The following CLEC16A variants were observed in gnomAD, a reference collection of about 807,000 sequenced individuals.
The protein encoded by CLEC16A is protein CLEC16A.
CLEC16A carries 51 observed loss-of-function variants against 109.5 expected under a neutral mutation model. The observed-to-expected ratio is 0.47, with a 90% confidence interval of 0.37 to 0.59. The LOEUF is 0.59. Among genes scored for constraint, CLEC16A ranks in the 20% least tolerant of loss-of-function variants. CLEC16A has a pLI of 0.00. For missense variants in CLEC16A, 1,339 were observed against 1,394.0 expected (o/e 0.96, Z 0.63); for synonymous variants, 673 against 564.2 (o/e 1.19, Z -2.73).
chr16:11,038,087 G>C (rs1018611633), intron 13 of CLEC16A, among the ~76,000 whole-genome samples: 2 of 152,256 alleles, frequency 1.3e-5, no homozygotes, highest in South Asian at 4.1e-4. Context: ...TCTTTAGGCC[G>C]TCCCTCACCC....
chr16:11,036,642 T>C (rs2047039707), intron 13 of CLEC16A, among the ~76,000 whole-genome samples: 1 of 149,484 alleles, frequency 6.7e-6, no homozygotes, highest in African/African-American at 2.5e-5. Context: ...CTCCGCCTCC[T>C]GGGTTCAAGC....
At chr16:10,971,292 C>A in intron 5 of CLEC16A, 62 bp downstream of exon 5, 2 of 1,177,218 alleles carry the variant, frequency 1.7e-6, no homozygotes, top group Non-Finnish European at 2.5e-6. Context: ...GCACTCACTC[C>A]CGTGTGTGTG....
chr16:11,020,089 GT>G (rs1454496620), intron 11 of CLEC16A, 103 bp from the exon 12 acceptor site: 1 of 1,365,990 alleles, frequency 7.3e-7, no homozygotes, highest in Non-Finnish European at 9.9e-7. Context: ...TGCTTGATGT[GT>G]TTGGAGTCAT....
intron 22 of CLEC16A, among the ~76,000 whole-genome samples, chr16:11,135,557 T>G (rs1043277674): frequency 5.3e-5 from 8 of 152,212 alleles, no homozygotes; most frequent in African/African-American, 1.9e-4. Context: ...TGCTTCACTC[T>G]TTGGGGTCAT....
chr16:11,146,753 G>A (rs555217753), intron 22 of CLEC16A, among the ~76,000 whole-genome samples: 3 of 133,844 alleles, frequency 2.2e-5, no homozygotes, highest in South Asian at 5.2e-4. Flanking sequence ...TGGGTGGATG[G>A]CCGGATGGGA....
intron 19 of CLEC16A, among the ~76,000 whole-genome samples, chr16:11,075,962 T>G (rs1381200811): frequency 6.6e-6 from 1 of 152,212 alleles, no homozygotes; most frequent in African/African-American, 2.4e-5. Flanking sequence ...TGGAATATCC[T>G]TGTTTCTTCT....
chr16:11,047,112 T>C (rs142157203), intron 16 of CLEC16A, among the ~76,000 whole-genome samples, 180 bp from the exon 17 acceptor site: 29 of 152,316 alleles, frequency 1.9e-4, no homozygotes, highest in Non-Finnish European at 3.1e-4. Flanking sequence ...TGATATTTGG[T>C]CTGTCATTTG....
At chr16:11,033,472 T>C (rs1467756790) in intron 13 of CLEC16A, among the ~76,000 whole-genome samples, 1 of 152,090 alleles carries the variant, frequency 6.6e-6, no homozygotes, top group Non-Finnish European at 1.5e-5. Context: ...AGCTGCCTCG[T>C]GGGGGAGCTG....
intron 10 of CLEC16A, among the ~76,000 whole-genome samples, chr16:10,993,697 C>G (rs2044165324): frequency 6.6e-6 from 1 of 152,234 alleles, no homozygotes; most frequent in Non-Finnish European, 1.5e-5. Flanking sequence ...TAGTAAAATA[C>G]TCTTTCCAAA....
At chr16:11,165,487 A>G (rs1287244610) in intron 22 of CLEC16A, among the ~76,000 whole-genome samples, 1 of 152,120 alleles carries the variant, frequency 6.6e-6, no homozygotes, top group Non-Finnish European at 1.5e-5. Context: ...GTGAAACCCT[A>G]TCGCAAAAAA....
At chr16:11,150,244 T>C (rs2054241672) in intron 22 of CLEC16A, 1 of 152,230 alleles carries the variant, frequency 6.6e-6, no homozygotes, top group African/African-American at 2.4e-5. Context: ...AGGTTTAGGA[T>C]AAGGAGTTAA....
In CLEC16A at chr16:11,020,189, C is replaced by T. The variant is rs888876517; in HGVS notation, c.1304-4C>T. On this transcript the variant is annotated splice_polypyrimidine_tract_variant and splice_region_variant and intron_variant, in intron 11 of 23. Coordinates refer to ENST00000409790, the MANE Select transcript of CLEC16A (RefSeq NM_015226.3). ...CTCATCCCAGTCTCCATTTTGGCTT[C>T]CAGAGATCGAGATGGTGATCATGGA... 4.4e-6 allele frequency: 7 copies of T among 1,607,676 alleles called. No homozygotes were observed. The South Asian group carries it at 7.7e-5, about 18-fold the overall frequency.
At chr16:11,166,085 A>G (rs997816527) in intron 22 of CLEC16A, among the ~76,000 whole-genome samples, 1 of 152,196 alleles carries the variant, frequency 6.6e-6, no homozygotes. Flanking sequence ...TCCCTCTTCA[A>G]GGGCACAGCT....
intron 19 of CLEC16A, among the ~76,000 whole-genome samples, chr16:11,101,371 C>G (rs1477138144): frequency 1.3e-5 from 2 of 152,210 alleles, no homozygotes; most frequent in African/African-American, 4.8e-5. Context: ...TATCCCAGCC[C>G]CAACAAAGGA....
intron 5 of CLEC16A, 59 bp from the exon 6 acceptor site, chr16:10,972,495 T>C: frequency 1.3e-6 from 2 of 1,563,346 alleles, no homozygotes; most frequent in Non-Finnish European, 1.8e-6. Context: ...CTAACCCTGT[T>C]AACTGTTGTC....
intron 3 of CLEC16A, among the ~76,000 whole-genome samples, chr16:10,964,640 C>G (rs1490493416): frequency 6.6e-6 from 1 of 152,224 alleles, no homozygotes; most frequent in African/African-American, 2.4e-5. Context: ...CCTGGGAAGC[C>G]TCTCAAAGTC....
At position 11,181,837 on chromosome 16, in the gene CLEC16A, C is replaced by CT. The variant is rs1882060928; in HGVS notation, c.*3148dup. On this transcript the variant is annotated 3_prime_UTR_variant, in exon 24 of 24. Transcript: ENST00000409790. ...GACGCGCTAGATTCCTCTAAGGTCTCTGAGATGCACCGTTTTTTAAAAAGG... is the reference window on the plus strand; with the variant it reads ...GACGCGCTAGATTCCTCTAAGGTCTCTTGAGATGCACCGTTTTTTAAAAAGG... 6.6e-6 allele frequency: 1 copy of CT among 152,648 alleles called. No individual in the cohort carries two copies. Among genetic ancestry groups the CT allele is most frequent in the Admixed American group, 6.5e-5 (1 of 15,290 alleles). 9.5% of individuals were successfully genotyped at this position (152,648 alleles called of 1,614,324 possible).
chr16:11,171,342 G>T (rs1412923834), intron 23 of CLEC16A, among the ~76,000 whole-genome samples: 1 of 152,212 alleles, frequency 6.6e-6, no homozygotes. Context: ...GCCCTGGAGT[G>T]GCTCTTTCAG....
In CLEC16A at chr16:11,178,271, G is replaced by A; in HGVS notation, c.2807-64G>A. Reference sequence around the variant, plus strand: ...GGCCGCGGTTCAGGATGGGAGCACAGGGCGCAGTGCGACGGGGTGTCTCAA... The same window carrying A: ...GGCCGCGGTTCAGGATGGGAGCACAAGGCGCAGTGCGACGGGGTGTCTCAA... On this transcript the variant is annotated intron_variant, in intron 23 of 23. Transcript: ENST00000409790. The surrounding 1 kb of genome is among the most constrained non-coding windows in gnomAD (Gnocchi z 6.5). The A allele has an allele frequency of 1.4e-6, 2 of 1,443,530 alleles. No homozygotes were observed. Among genetic ancestry groups the A allele is most frequent in the South Asian group, 2.5e-5 (2 of 78,792 alleles). The allele number at this position is 1,443,530 out of a possible 1,614,324, so 89.4% of individuals were successfully genotyped here.
Sources: gnomAD v4.1 joint callset for allele counts (sites outside exome capture counted in the v4.1 genomes callset) on GRCh38, gnomAD v4.1.1 for gene constraint, Gnocchi (gnomAD v3.1) non-coding constraint, MANE v1.5 for transcripts, NCBI Gene and HGNC (gene_info 2026-07-23, HGNC 2026-07-21) for gene names.